The following MAPT variants were observed in gnomAD, a reference collection of about 807,000 sequenced individuals.
MAPT encodes microtubule-associated protein tau.
MAPT carries 34 observed loss-of-function variants against 67.9 expected under a neutral mutation model. The observed-to-expected ratio is 0.50, with a 90% CI of 0.38 to 0.67. The LOEUF (loss-of-function observed/expected upper bound fraction) is 0.67, where lower values mean the gene tolerates loss of function less well. MAPT is among the 30% of genes least tolerant of loss of function. The pLI is 0.00. For synonymous variants in MAPT, 456 were observed against 464.5 expected (o/e 0.98, Z 0.23); for missense variants, 881 against 1,115.2 (o/e 0.79, Z 2.99).
chr17:45,920,535 G>C (rs17649700), intron 1 of MAPT, among the ~76,000 whole-genome samples: 21,849 of 152,228 alleles, frequency 0.14, 2,150 homozygotes, highest in Middle Eastern at 0.22. Context: ...GGTCTCCTCT[G>C]CTGAGCCGTG....
chr17:45,993,951 C>A lies in MAPT; in HGVS notation c.1732+2365C>A, dbSNP rs192236920. The A allele has an allele frequency of 5.7e-5, 90 of 1,576,748 alleles. 1 individual carries two copies. Among genetic ancestry groups the A allele is most frequent in the Admixed American group, 2.9e-4 (16 of 54,798 alleles). On this transcript the variant is annotated intron_variant, in intron 8 of 12. Transcript: ENST00000262410. ...ACTAAGCAAGTCCAGAGAAGACCAC[C>A]CCCTGCAGGGCCCAGATCTGAGAGA...
chr17:45,912,931 C>T (rs1195034594), intron 1 of MAPT, among the ~76,000 whole-genome samples: 1 of 152,198 alleles, frequency 6.6e-6, no homozygotes, highest in African/African-American at 2.4e-5. Context: ...AACTGTACTA[C>T]CTCTAGACAA....
intron 3 of MAPT, chr17:45,977,870 C>A: frequency 6.1e-6 from 1 of 165,276 alleles, no homozygotes; most frequent in Admixed American, 5.7e-5. Context: ...ACAAGACAAA[C>A]TAGTATCTTC....
intron 9 of MAPT, among the ~76,000 whole-genome samples, chr17:46,002,482 G>C (rs960349969): frequency 6.6e-6 from 1 of 152,176 alleles, no homozygotes; most frequent in Non-Finnish European, 1.5e-5. Flanking sequence ...GGGTGTGCAG[G>C]ATCATGCCCA....
intron 3 of MAPT, 120 bp downstream of exon 3, chr17:45,972,065 T>C (rs1387255271): frequency 1.3e-6 from 1 of 772,380 alleles, no homozygotes. Context: ...ACTCCTTCGG[T>C]GCTTTGCAGG....
intron 1 of MAPT, among the ~76,000 whole-genome samples, chr17:45,926,204 C>G (rs2144562363): frequency 6.7e-6 from 1 of 149,248 alleles, no homozygotes; most frequent in South Asian, 2.1e-4. Flanking sequence ...GAGTAAGACT[C>G]TATGTCAAAG....
chr17:45,952,482 T>G (rs1464406116), intron 1 of MAPT, among the ~76,000 whole-genome samples: 1 of 152,060 alleles, frequency 6.6e-6, no homozygotes. Flanking sequence ...AAAATAAAGG[T>G]TCATAAAAAA....
intron 1 of MAPT, among the ~76,000 whole-genome samples, chr17:45,949,618 T>C (rs2068857496): frequency 6.6e-6 from 1 of 152,150 alleles, no homozygotes; most frequent in Non-Finnish European, 1.5e-5. Flanking sequence ...CACGGGGTGG[T>C]TGTGAGCATT....
intron 2 of MAPT, among the ~76,000 whole-genome samples, chr17:45,965,419 G>T (rs1364251249): frequency 6.6e-6 from 1 of 150,820 alleles, no homozygotes; most frequent in African/African-American, 2.4e-5. Context: ...GACAGAGTGA[G>T]ACTCCGTCCT....
At chr17:45,939,940 T>G (rs117008377) in intron 1 of MAPT, among the ~76,000 whole-genome samples, 1 of 152,358 alleles carries the variant, frequency 6.6e-6, no homozygotes, top group Non-Finnish European at 1.5e-5. Flanking sequence ...CCTAACTCAC[T>G]TTAGCATATT....
intron 8 of MAPT, among the ~76,000 whole-genome samples, 188 bp downstream of exon 8, chr17:45,991,774 TC>T (rs1329467700): frequency 6.6e-6 from 1 of 151,456 alleles, no homozygotes; most frequent in Non-Finnish European, 1.5e-5. Flanking sequence ...AAATGTTGAA[TC>T]CCTACCTTTT....
chr17:45,941,694 CCTT>C (rs762425965), intron 1 of MAPT, among the ~76,000 whole-genome samples: 13,921 of 88,130 alleles, frequency 0.16, 2,132 homozygotes, highest in Non-Finnish European at 0.21. Context: ...TTCCTTCCTT[CCTT>C]CCTGCCTGCC....
At chr17:45,967,820 TAACA>T (rs1264770744) in intron 2 of MAPT, among the ~76,000 whole-genome samples, 1 of 152,056 alleles carries the variant, frequency 6.6e-6, no homozygotes, top group Non-Finnish European at 1.5e-5. Context: ...ACCCAAAACC[TAACA>T]AGTAAAAACC....
In MAPT at chr17:45,906,515, C is replaced by T. The variant is rs932001758; in HGVS notation, c.-18+11829C>T. On this transcript the variant is annotated intron_variant, in intron 1 of 12. Transcript: ENST00000262410. The surrounding 1 kb of genome is among the most constrained non-coding windows in gnomAD (Gnocchi z 4.3). Reference sequence around the variant, plus strand: ...AGGCGCGTTAATTGAACTGCTTGCACCTGGCATTTGAATTGAGCCAGAGCG... The same window carrying T: ...AGGCGCGTTAATTGAACTGCTTGCATCTGGCATTTGAATTGAGCCAGAGCG... Among the ~76,000 whole-genome samples, 1 of 152,132 alleles carries T rather than the reference C, an allele frequency of 6.6e-6. No homozygotes were observed. Among genetic ancestry groups the T allele is most frequent in the African/African-American group, 2.4e-5 (1 of 41,410 alleles).
intron 7 of MAPT, among the ~76,000 whole-genome samples, chr17:45,991,224 A>G (rs1315195993): frequency 6.6e-6 from 1 of 152,194 alleles, no homozygotes; most frequent in Non-Finnish European, 1.5e-5. Flanking sequence ...TAATGCACAC[A>G]GTTCCTCTGG....
At chr17:46,018,760 C>T in intron 12 of MAPT, 30 bp downstream of exon 12, 1 of 1,490,328 alleles carries the variant, frequency 6.7e-7, no homozygotes, top group Non-Finnish European at 9.4e-7. Flanking sequence ...TTGGATGCTG[C>T]CCTTGGGTAT....
At chr17:45,942,454 CA>C (rs1211457734) in intron 1 of MAPT, among the ~76,000 whole-genome samples, 1 of 152,206 alleles carries the variant, frequency 6.6e-6, no homozygotes, top group Non-Finnish European at 1.5e-5. Flanking sequence ...TCGAGAGGGC[CA>C]AGGGGCACCA....
chr17:45,937,599 G>GA (rs66493031), intron 1 of MAPT, among the ~76,000 whole-genome samples: 1,333 of 73,560 alleles, frequency 0.018, 19 homozygotes, highest in African/African-American at 0.068. Flanking sequence ...CTCAAAAAAA[G>GA]AAAAAAAAAA....
chr17:46,018,405 C>G (rs184394713), intron 11 of MAPT, among the ~76,000 whole-genome samples: 196 of 152,362 alleles, frequency 1.3e-3, no homozygotes, highest in Non-Finnish European at 2.1e-3. Context: ...CTTGGAACCA[C>G]TTGCTTGGCC....
Sources: gnomAD v4.1 joint callset for allele counts (sites outside exome capture counted in the v4.1 genomes callset) on GRCh38, gnomAD v4.1.1 for gene constraint, Gnocchi (gnomAD v3.1) non-coding constraint, MANE v1.5 for transcripts, NCBI Gene and HGNC (gene_info 2026-07-23, HGNC 2026-07-21) for gene names.